The following HAL variants were observed in gnomAD, a reference collection of about 807,000 sequenced individuals.
The protein encoded by HAL is histidine ammonia-lyase.
A neutral mutation model predicts 81.1 loss-of-function variants in HAL; 85 were observed. That is an observed-to-expected ratio of 1.05 (90% CI 0.88 to 1.25). The LOEUF is 1.25. Ranked by LOEUF, HAL falls within the 50% of genes most tolerant of loss-of-function variation. The probability of loss-of-function intolerance (pLI) is 0.00; values close to 1 mark genes in which losing one functional copy is unlikely to be tolerated. For synonymous variants in HAL, 301 were observed against 309.2 expected (o/e 0.97, Z 0.28); for missense variants, 798 against 836.6 (o/e 0.95, Z 0.57).
chr12:95,989,260 A>G (rs1244264046), intron 10 of HAL, among the ~76,000 whole-genome samples: 3 of 152,244 alleles, frequency 2.0e-5, no homozygotes, highest in Admixed American at 6.5e-5. Flanking sequence ...ATCCTAGCTC[A>G]CTGCAGCCTT....
At chr12:95,995,204 T>C in intron 2 of HAL, 1 of 615,968 alleles carries the variant, frequency 1.6e-6, no homozygotes, top group Non-Finnish European at 2.9e-6. Flanking sequence ...ACCAGGGGTT[T>C]AGATGAAAGT....
intron 2 of HAL, 140 bp from the exon 3 acceptor site, chr12:95,995,133 G>A (rs1396567010): frequency 9.6e-6 from 7 of 728,626 alleles, no homozygotes; most frequent in Non-Finnish European, 1.7e-5. Flanking sequence ...GGTTTCATGT[G>A]GTCTTAGCAT....
chr12:95,978,302 G>A (rs959118449), intron 17 of HAL, among the ~76,000 whole-genome samples: 4 of 152,126 alleles, frequency 2.6e-5, no homozygotes, highest in African/African-American at 9.7e-5. Context: ...GAGGTAAGAC[G>A]GAGATGGGAG....
chr12:95,984,820 C>T (rs763829728), intron 14 of HAL, among the ~76,000 whole-genome samples: 35 of 152,178 alleles, frequency 2.3e-4, no homozygotes, highest in Non-Finnish European at 4.9e-4. Context: ...TCTAATTTGG[C>T]AATTCTTACC....
chr12:95,995,814 T>C lies in HAL; in HGVS notation c.97A>G (p.Arg33Gly). The C allele has an allele frequency of 6.2e-7, 1 of 1,612,696 alleles. No homozygotes were observed. Among genetic ancestry groups the C allele is most frequent in the East Asian group, 2.2e-5 (1 of 44,866 alleles). The change falls in exon 2 of 21, where the codon AGG (arginine) becomes GGG (glycine). Residue 33 changes from arginine to glycine, a missense_variant. Transcript: ENST00000261208. ...TCGGGCTTATTCTTGATATAGCGCC[T>C]CACGGCCTCCCGGCCCAGCCAGCCC... ...TVGWLGREAV[R>G]RYIKNKPDNG...
In HAL at chr12:95,987,667, T is replaced by C. The variant is rs921141731; in HGVS notation, c.904-453A>G. Reference sequence around the variant, plus strand: ...GATCCTAACAGAACTCGATTTGAAGTTTTAAGTTCCTAAGAGACCCCCTAT... The same window carrying C: ...GATCCTAACAGAACTCGATTTGAAGCTTTAAGTTCCTAAGAGACCCCCTAT... On this transcript the variant is annotated intron_variant, in intron 11 of 20. Coordinates refer to ENST00000261208, the MANE Select transcript of HAL (RefSeq NM_002108.4). Among the ~76,000 whole-genome samples the C allele has an allele frequency of 5.3e-5, 8 of 152,258 alleles. No homozygotes were observed. The South Asian group carries it at 6.2e-4, about 12-fold the overall frequency.
At chr12:95,993,524 T>G in intron 7 of HAL, 36 bp from the exon 8 acceptor site, 1 of 1,394,528 alleles carries the variant, frequency 7.2e-7, no homozygotes, top group Non-Finnish European at 1.0e-6. Flanking sequence ...TTAGATACAT[T>G]GCAGTGAGAA....
At chr12:95,979,962 T>TA (rs1294092959) in intron 17 of HAL, among the ~76,000 whole-genome samples, 2 of 152,224 alleles carry the variant, frequency 1.3e-5, no homozygotes, top group African/African-American at 4.8e-5. Context: ...CCTTAGTACT[T>TA]ACTTAGTGCC....
intron 8 of HAL, among the ~76,000 whole-genome samples, 183 bp downstream of exon 8, chr12:95,993,268 C>T (rs748624929): frequency 5.3e-5 from 8 of 152,178 alleles, no homozygotes; most frequent in Non-Finnish European, 1.2e-4. Context: ...CTCCACCTGG[C>T]CCATTTCTTT....
At chr12:95,987,531 C>T (rs1392563581) in intron 11 of HAL, among the ~76,000 whole-genome samples, 1 of 152,058 alleles carries the variant, frequency 6.6e-6, no homozygotes, top group African/African-American at 2.4e-5. Context: ...GCATTTCTTC[C>T]TTAAATTCTT....
intron 20 of HAL, among the ~76,000 whole-genome samples, chr12:95,975,476 G>C (rs2080706408): frequency 6.6e-6 from 1 of 151,690 alleles, no homozygotes; most frequent in African/African-American, 2.4e-5. Flanking sequence ...CCAGGAGTTT[G>C]AGTCCAGCCT....
chr12:95,994,266 A>G, intron 4 of HAL, 102 bp from the exon 5 acceptor site: 1 of 825,632 alleles, frequency 1.2e-6, no homozygotes, highest in Non-Finnish European at 2.2e-6. Flanking sequence ...CAGAGATCTG[A>G]TCATTGCGTG....
At chr12:95,983,051 C>T (rs541395728) in intron 15 of HAL, among the ~76,000 whole-genome samples, 2 of 152,260 alleles carry the variant, frequency 1.3e-5, no homozygotes, top group African/African-American at 2.4e-5. Context: ...TTTGAACAAA[C>T]GCAAAAGCAC....
chr12:95,980,864 C>G lies in HAL; in HGVS notation c.1288-1G>C. On this transcript the variant is annotated splice_acceptor_variant, in intron 15 of 20. Transcript: ENST00000261208. LOFTEE classifies it high-confidence loss of function. ...TCTCTCCCCTATTGGCAAAGACCAT[C>G]TTTCAAAAGAGGTTAAGGCTTGAAG... 1 of 1,542,638 alleles carries G rather than the reference C, an allele frequency of 6.5e-7. No individual in the cohort carries two copies. Among genetic ancestry groups the G allele is most frequent in the Non-Finnish European group, 9.0e-7 (1 of 1,115,632 alleles).
intron 12 of HAL, 76 bp downstream of exon 12, chr12:95,986,991 G>T: frequency 2.4e-6 from 3 of 1,265,690 alleles, no homozygotes; most frequent in Non-Finnish European, 2.3e-6. Context: ...CCACTTCTGT[G>T]TCTAAAGATC....
Position 95,980,882 on chromosome 12 carries a change from G to A in HAL, c.1288-19C>T. ...AGACCATCTTTCAAAAGAGGTTAAG[G>A]CTTGAAGATAATGTTTGCTGGTCAC... On this transcript the variant is annotated intron_variant, in intron 15 of 20. Coordinates refer to ENST00000261208, the MANE Select transcript of HAL (RefSeq NM_002108.4). 1 of 1,469,286 alleles carries A rather than the reference G, an allele frequency of 6.8e-7. No individual in the cohort carries two copies. The highest frequency in any genetic ancestry group is 9.5e-7 in the Non-Finnish European group (1 of 1,049,106). The allele number at this position is 1,469,286 out of a possible 1,614,324, so 91.0% of individuals were successfully genotyped here. A position where few individuals can be genotyped will look rare whatever the true frequency, so the allele number is the denominator to read the frequency against.
At chr12:95,986,377 C>T (rs1015302310) in intron 12 of HAL, among the ~76,000 whole-genome samples, 9 of 152,228 alleles carry the variant, frequency 5.9e-5, no homozygotes, top group African/African-American at 2.2e-4. Flanking sequence ...TGGTTCAGGA[C>T]CATCTACGGT....
rs148503094 is a variant in HAL, at chr12:95,974,385, G to T, written c.1834-13C>A. ...CTACTTCCCAAACCTGAAAAGCAAG[G>T]ACAAAACAAAGTTGAAATATTGACG... On this transcript the variant is annotated splice_polypyrimidine_tract_variant and intron_variant, in intron 20 of 20. Transcript: ENST00000261208. 5 of 1,612,462 alleles carry T rather than the reference G, an allele frequency of 3.1e-6. No homozygotes were observed. In the African/African-American group the frequency reaches 5.3e-5, roughly 17 times the overall value.
intron 8 of HAL, 142 bp downstream of exon 8, chr12:95,993,309 C>T: frequency 1.4e-6 from 1 of 732,046 alleles, no homozygotes; most frequent in Non-Finnish European, 2.5e-6. Context: ...TTTCTGCATC[C>T]CTTCTCACCT....
Sources: gnomAD v4.1 joint callset for allele counts (sites outside exome capture counted in the v4.1 genomes callset) on GRCh38, gnomAD v4.1.1 for gene constraint, MANE v1.5 for transcripts, NCBI Gene and HGNC (gene_info 2026-07-23, HGNC 2026-07-21) for gene names.